Variants in DLEU7 observed in about 807,000 individuals in gnomAD.
The protein encoded by DLEU7 is deleted in lymphocytic leukemia 7.
Under a neutral mutation model 16.0 loss-of-function variants are expected in DLEU7, and 17 were observed. The ratio of observed to expected loss-of-function variants is 1.06; its 90% CI spans 0.73 to 1.59. The LOEUF is 1.59. Ranked by LOEUF, DLEU7 falls within the 40% of genes most tolerant of loss-of-function variation. The probability of loss-of-function intolerance (pLI) is 0.00; values close to 1 mark genes in which losing one functional copy is unlikely to be tolerated. For synonymous variants in DLEU7, 113 were observed against 139.8 expected, an observed-to-expected ratio of 0.81 and a Z score of 1.35; for missense variants, 308 against 314.9, an observed-to-expected ratio of 0.98 and a Z score of 0.17.
chr13:50,764,395 GTTTTGTGTTCTT>G (rs1875036941), intron 1 of DLEU7, among the ~76,000 whole-genome samples: 1 of 152,288 alleles, frequency 6.6e-6, no homozygotes, highest in East Asian at 1.9e-4. Context: ...CTGGTCTGAA[GTTTTGTGTTCTT>G]CCTCCCATTT....
At chr13:50,787,443 C>T (rs1234310159) in intron 1 of DLEU7, among the ~76,000 whole-genome samples, 2 of 152,068 alleles carry the variant, frequency 1.3e-5, no homozygotes, top group African/African-American at 4.8e-5. Context: ...AATGGAACAC[C>T]AGCATGTGTT....
chr13:50,753,653 A>G (rs1874659164), intron 1 of DLEU7, among the ~76,000 whole-genome samples: 1 of 151,996 alleles, frequency 6.6e-6, no homozygotes, highest in Non-Finnish European at 1.5e-5. Flanking sequence ...GCCCGCAAGC[A>G]CCGTGCGCAG....
intron 1 of DLEU7, among the ~76,000 whole-genome samples, chr13:50,791,416 G>A (rs1363714919): frequency 2.0e-5 from 3 of 152,198 alleles, no homozygotes; most frequent in Non-Finnish European, 4.4e-5. Flanking sequence ...GCAGGTGGGT[G>A]AGAAAAGCCA....
intron 1 of DLEU7, among the ~76,000 whole-genome samples, chr13:50,830,210 T>C (rs1392583856): frequency 6.6e-6 from 1 of 152,242 alleles, no homozygotes; most frequent in African/African-American, 2.4e-5. Flanking sequence ...CAGTCCAAAT[T>C]GATGGCCAGC....
chr13:50,716,861 G>A (rs1299828893), intron 1 of DLEU7, among the ~76,000 whole-genome samples: 1 of 152,170 alleles, frequency 6.6e-6, no homozygotes, highest in Non-Finnish European at 1.5e-5. Context: ...ATCAAAAACT[G>A]TTGACAATAA....
At chr13:50,756,573 T>A (rs1400886525) in intron 1 of DLEU7, among the ~76,000 whole-genome samples, 3 of 152,170 alleles carry the variant, frequency 2.0e-5, no homozygotes, top group Non-Finnish European at 4.4e-5. Context: ...TGTGACCCGC[T>A]AACAACCCTG....
At chr13:50,745,558 A>G (rs187912489) in intron 1 of DLEU7, among the ~76,000 whole-genome samples, 104 of 152,294 alleles carry the variant, frequency 6.8e-4, no homozygotes, top group Admixed American at 6.7e-3. Flanking sequence ...TGTATATTTT[A>G]CAATATAAAA....
intron 1 of DLEU7, among the ~76,000 whole-genome samples, chr13:50,740,125 G>T (rs1874210596): frequency 6.6e-6 from 1 of 152,076 alleles, no homozygotes. Context: ...TTCCAAAAAG[G>T]TGCTTACACA....
At chr13:50,804,524 A>G (rs1436727768) in intron 1 of DLEU7, among the ~76,000 whole-genome samples, 1 of 151,732 alleles carries the variant, frequency 6.6e-6, no homozygotes, top group Non-Finnish European at 1.5e-5. Context: ...GCTCACTGCA[A>G]TCTCTGCCTC....
intron 1 of DLEU7, among the ~76,000 whole-genome samples, chr13:50,725,701 GC>G (rs1555288030): frequency 6.6e-6 from 1 of 152,124 alleles, no homozygotes; most frequent in Non-Finnish European, 1.5e-5. Context: ...GGAAGGAGAC[GC>G]CGTGTCCACC....
chr13:50,800,909 C>T (rs1023918443), intron 1 of DLEU7, among the ~76,000 whole-genome samples: 3 of 152,050 alleles, frequency 2.0e-5, no homozygotes, highest in African/African-American at 7.2e-5. Flanking sequence ...TAGGCTCTTC[C>T]CTCACACTTT....
chr13:50,843,414 C>A lies in DLEU7; in HGVS notation c.233G>T (p.Arg78Leu). 1.5e-6 allele frequency: 2 copies of A among 1,315,948 alleles called. No homozygotes were observed. The highest frequency in any genetic ancestry group is 1.5e-5 in the African/African-American group (1 of 64,832). 81.5% of individuals were successfully genotyped at this position (1,315,948 alleles called of 1,614,324 possible). The change falls in exon 1 of 2, where the codon CGG (arginine) becomes CTG (leucine). Residue 78 changes from arginine to leucine, a missense_variant. Physicochemically the swap from Arg to Leu is moderately radical, Grantham distance 102. Transcript: ENST00000504404. The surrounding 1 kb of genome is among the most constrained non-coding windows in gnomAD (Gnocchi z 5.7). The stretch of plus-strand genomic sequence containing the variant: ...TGGGGAGTTCGCCCGCGCCGCGGTC[C>A]GCCGACTCCTGGTCCCCACGCCCCC... ...RGGGVGTRSR[R>L]TAARANSPEE...
intron 1 of DLEU7, among the ~76,000 whole-genome samples, chr13:50,752,114 C>A (rs559837409): frequency 2.7e-5 from 4 of 149,082 alleles, no homozygotes; most frequent in African/African-American, 9.9e-5. Flanking sequence ...TGCAGTGGCA[C>A]AATCTCGGCT....
chr13:50,785,985 A>G (rs1026183158), intron 1 of DLEU7, among the ~76,000 whole-genome samples: 2 of 152,208 alleles, frequency 1.3e-5, no homozygotes, highest in Non-Finnish European at 2.9e-5. Context: ...AGACTCTAGC[A>G]TAAAGGACCA....
chr13:50,781,700 G>A (rs1292705853), intron 1 of DLEU7, among the ~76,000 whole-genome samples: 3 of 152,042 alleles, frequency 2.0e-5, no homozygotes, highest in East Asian at 3.9e-4. Flanking sequence ...TGTCTTTGCC[G>A]GGAAGACTCC....
intron 1 of DLEU7, among the ~76,000 whole-genome samples, chr13:50,814,723 G>A (rs1876675284): frequency 6.8e-6 from 1 of 146,226 alleles, no homozygotes; most frequent in African/African-American, 2.5e-5. Context: ...GAAAACTGAT[G>A]AAAACAGTTT....
intron 1 of DLEU7, among the ~76,000 whole-genome samples, chr13:50,827,977 A>G (rs1198219901): frequency 1.3e-5 from 2 of 152,200 alleles, no homozygotes; most frequent in Non-Finnish European, 2.9e-5. Context: ...AGAAGCCAAA[A>G]TAAAACCAAA....
At chr13:50,817,730 T>C (rs1876774934) in intron 1 of DLEU7, among the ~76,000 whole-genome samples, 1 of 152,084 alleles carries the variant, frequency 6.6e-6, no homozygotes, top group African/African-American at 2.4e-5. Context: ...TCCAGATGGC[T>C]TCCTACCCTC....
exon 2 of DLEU7, chr13:50,712,004 G>A (rs763784196): frequency 2.6e-5 from 4 of 151,712 alleles, no homozygotes; most frequent in Non-Finnish European, 5.9e-5. Context: ...TCTTTGAATC[G>A]TAATTCCAGT....
Sources: gnomAD v4.1 joint callset for allele counts (sites outside exome capture counted in the v4.1 genomes callset) on GRCh38, gnomAD v4.1.1 for gene constraint, Gnocchi (gnomAD v3.1) non-coding constraint, MANE v1.5 for transcripts, NCBI Gene and HGNC (gene_info 2026-07-23, HGNC 2026-07-21) for gene names.